The following EFNA5 variants were observed in gnomAD, a reference collection of about 807,000 sequenced individuals.
The protein encoded by EFNA5 is ephrin-A5.
A neutral mutation model predicts 22.9 loss-of-function variants in EFNA5; 5 were observed. The observed-to-expected ratio is 0.22, with a 90% CI of 0.11 to 0.46. The LOEUF (loss-of-function observed/expected upper bound fraction) is 0.46, where lower values mean the gene tolerates loss of function less well. Among genes scored for constraint, EFNA5 ranks in the 20% least tolerant of loss-of-function variants. The pLI is 0.99. For missense variants in EFNA5, 237 were observed against 293.3 expected (o/e 0.81, Z 1.40); for synonymous variants, 113 against 112.2 (o/e 1.01, Z -0.04).
chr5:107,572,902 C>G (rs2112488149), intron 1 of EFNA5, among the ~76,000 whole-genome samples: 1 of 152,240 alleles, frequency 6.6e-6, no homozygotes, highest in Admixed American at 6.5e-5. Context: ...TTGGTGCATT[C>G]AATGTCTTTG....
At chr5:107,551,091 C>T (rs1029147129) in intron 1 of EFNA5, among the ~76,000 whole-genome samples, 3 of 152,128 alleles carry the variant, frequency 2.0e-5, no homozygotes, top group South Asian at 2.1e-4. Context: ...TATAATTATG[C>T]GTCCTAACTC....
intron 1 of EFNA5, among the ~76,000 whole-genome samples, chr5:107,516,892 A>G (rs1747492653): frequency 6.6e-6 from 1 of 152,238 alleles, no homozygotes; most frequent in African/African-American, 2.4e-5. Flanking sequence ...CAGACATAAA[A>G]GAACACATAT....
intron 3 of EFNA5, 105 bp downstream of exon 3, chr5:107,387,601 A>C: frequency 1.3e-6 from 1 of 779,630 alleles, no homozygotes; most frequent in Non-Finnish European, 2.2e-6. Context: ...AACAGATACC[A>C]CACAAGATTT....
chr5:107,648,241 A>T (rs1476770997), intron 1 of EFNA5, among the ~76,000 whole-genome samples: 1 of 152,132 alleles, frequency 6.6e-6, no homozygotes, highest in East Asian at 1.9e-4. Flanking sequence ...CATTATTTAT[A>T]TATTTTTAAT....
intron 1 of EFNA5, among the ~76,000 whole-genome samples, chr5:107,486,957 T>C (rs1280243118): frequency 6.6e-6 from 1 of 152,172 alleles, no homozygotes; most frequent in African/African-American, 2.4e-5. Context: ...CCAATATCTC[T>C]CAAATACTCC....
intron 2 of EFNA5, among the ~76,000 whole-genome samples, chr5:107,393,840 A>T (rs1366583504): frequency 2.6e-5 from 4 of 152,226 alleles, no homozygotes; most frequent in Admixed American, 2.6e-4. Context: ...TACTACTGGA[A>T]ATATCTCCTA....
chr5:107,613,011 C>T (rs1239802860), intron 1 of EFNA5, among the ~76,000 whole-genome samples: 5 of 151,902 alleles, frequency 3.3e-5, no homozygotes, highest in East Asian at 1.9e-4. Flanking sequence ...TCATCATCTA[C>T]GAACAGTGAT....
intron 1 of EFNA5, among the ~76,000 whole-genome samples, chr5:107,443,174 C>A (rs1749303354): frequency 6.6e-6 from 1 of 152,162 alleles, no homozygotes; most frequent in Non-Finnish European, 1.5e-5. Context: ...CTGTGCTGGG[C>A]AGGAGGCTGC....
intron 1 of EFNA5, among the ~76,000 whole-genome samples, chr5:107,571,254 G>A (rs561659631): frequency 1.3e-5 from 2 of 152,242 alleles, no homozygotes; most frequent in South Asian, 4.1e-4. Flanking sequence ...TCCAGCACTG[G>A]GGCAACTTGT....
chr5:107,462,586 G>C (rs1355923415), intron 1 of EFNA5, among the ~76,000 whole-genome samples: 2 of 152,106 alleles, frequency 1.3e-5, no homozygotes, highest in Admixed American at 1.3e-4. Flanking sequence ...TAAGTCACTA[G>C]TCCAATGGAA....
Position 107,380,706 on chromosome 5 carries a change from T to C in EFNA5, c.*549A>G, listed in dbSNP as rs1033804632. The C allele has an allele frequency of 2.0e-5, 8 of 397,902 alleles. No homozygotes were observed. Among genetic ancestry groups the C allele is most frequent in the East Asian group, 1.4e-4 (4 of 28,024 alleles). 24.6% of individuals were successfully genotyped at this position (397,902 alleles called of 1,614,324 possible). ...AAGCCTGTTCATTTACATACTCCTA[T>C]AGGAAATGGTGTAATATCGTATCTA... is the stretch of plus-strand genomic sequence containing the variant. On this transcript the variant is annotated 3_prime_UTR_variant, in exon 5 of 5. Coordinates refer to ENST00000333274, the MANE Select transcript of EFNA5 (RefSeq NM_001962.3).
At chr5:107,499,851 G>C (rs1747090204) in intron 1 of EFNA5, among the ~76,000 whole-genome samples, 1 of 152,154 alleles carries the variant, frequency 6.6e-6, no homozygotes, top group African/African-American at 2.4e-5. Flanking sequence ...AAATGCATCA[G>C]GTGCAAATTA....
intron 1 of EFNA5, among the ~76,000 whole-genome samples, chr5:107,667,990 A>G (rs1188958311): frequency 6.6e-6 from 1 of 152,182 alleles, no homozygotes; most frequent in Non-Finnish European, 1.5e-5. Context: ...TTCTTAATGC[A>G]TCAAAAGAGC....
At chr5:107,601,704 T>G (rs1019454138) in intron 1 of EFNA5, among the ~76,000 whole-genome samples, 2 of 152,220 alleles carry the variant, frequency 1.3e-5, no homozygotes, top group Non-Finnish European at 2.9e-5. Context: ...TGCTAGACAT[T>G]GTGCAAGGTG....
intron 1 of EFNA5, among the ~76,000 whole-genome samples, chr5:107,626,267 C>A (rs1750138909): frequency 6.6e-6 from 1 of 151,442 alleles, no homozygotes; most frequent in Non-Finnish European, 1.5e-5. Context: ...AGTATGTCTT[C>A]TTTTTTTTTC....
rs200162988 is a variant in EFNA5, at chr5:107,533,255, C to CG, written c.126-105747dup. On this transcript the variant is annotated intron_variant, in intron 1 of 4. Transcript: ENST00000333274. The stretch of plus-strand genomic sequence containing the variant: ...CACCTTCACTGCTCTCGATATGAAG[C>CG]GGGGGGATCTTTTTTTCAGGTGTGA... Among the ~76,000 whole-genome samples the CG allele has an allele frequency of 3.9e-5, 6 of 152,094 alleles. No individual in the cohort carries two copies. In the East Asian group the frequency reaches 7.7e-4, roughly 20 times the overall value.
At chr5:107,404,194 G>A (rs575708100) in intron 2 of EFNA5, among the ~76,000 whole-genome samples, 1 of 152,298 alleles carries the variant, frequency 6.6e-6, no homozygotes, top group South Asian at 2.1e-4. Flanking sequence ...ACAAGTGATG[G>A]CGAGTTCTCA....
At chr5:107,551,375 C>T (rs1037566274) in intron 1 of EFNA5, among the ~76,000 whole-genome samples, 2 of 152,158 alleles carry the variant, frequency 1.3e-5, no homozygotes. Flanking sequence ...AGCTTGCCAA[C>T]TCCTGCTTGA....
At chr5:107,602,081 A>G (rs1261064315) in intron 1 of EFNA5, among the ~76,000 whole-genome samples, 4 of 152,218 alleles carry the variant, frequency 2.6e-5, no homozygotes, top group African/African-American at 9.6e-5. Context: ...ACGTGAGCTC[A>G]CAGAGGAGGC....
Sources: allele counts gnomAD v4.1 joint callset (sites outside exome capture counted in the v4.1 genomes callset), GRCh38; gene constraint gnomAD v4.1.1; transcripts MANE v1.5; gene names NCBI Gene and HGNC (gene_info 2026-07-23, HGNC 2026-07-21).